Variants in CNNM2 observed in about 807,000 individuals in gnomAD.
CNNM2 encodes cyclin and CBS domain divalent metal cation transport mediator 2, also known as metal transporter CNNM2.
A neutral mutation model predicts 66.9 loss-of-function variants in CNNM2; 12 were observed. The observed-to-expected ratio is 0.18, with a 90% CI of 0.11 to 0.29. The LOEUF (loss-of-function observed/expected upper bound fraction) is 0.29. Ranked by LOEUF, CNNM2 falls within the 10% of genes least tolerant of loss-of-function variation. CNNM2 has a pLI of 1.00. For synonymous variants in CNNM2, 557 were observed against 501.8 expected (o/e 1.11, Z -1.47); for missense variants, 705 against 1,167.7 (o/e 0.60, Z 5.77).
chr10:103,073,685 C>T (rs1207216760), intron 6 of CNNM2, among the ~76,000 whole-genome samples: 2 of 151,630 alleles, frequency 1.3e-5, no homozygotes, highest in Non-Finnish European at 2.9e-5. Context: ...CAAGGTGAAA[C>T]CCCGTCTCTA....
chr10:102,968,335 C>T (rs1052036010), intron 1 of CNNM2, among the ~76,000 whole-genome samples: 2 of 152,150 alleles, frequency 1.3e-5, no homozygotes, highest in Non-Finnish European at 2.9e-5. Flanking sequence ...TAACCTCTGC[C>T]TCCTGGGTTC....
intron 1 of CNNM2, among the ~76,000 whole-genome samples, chr10:103,048,851 T>C (rs1019588021): frequency 6.6e-6 from 1 of 152,178 alleles, no homozygotes; most frequent in Non-Finnish European, 1.5e-5. Context: ...TAATGTTTAC[T>C]GCTTCAGCAA....
At chr10:103,002,532 T>C (rs916349678) in intron 1 of CNNM2, among the ~76,000 whole-genome samples, 7 of 145,642 alleles carry the variant, frequency 4.8e-5, no homozygotes, top group African/African-American at 1.8e-4. Flanking sequence ...CAGGCTGGAG[T>C]GCAATGGCGT....
intron 5 of CNNM2, among the ~76,000 whole-genome samples, chr10:103,070,226 A>G (rs2065552509): frequency 6.6e-6 from 1 of 152,184 alleles, no homozygotes; most frequent in Non-Finnish European, 1.5e-5. Context: ...CTTCGTTTTC[A>G]CTGCTTAGTG....
chr10:103,070,244 C>T (rs192360988), intron 5 of CNNM2, among the ~76,000 whole-genome samples: 30 of 152,252 alleles, frequency 2.0e-4, no homozygotes, highest in African/African-American at 7.0e-4. Context: ...GTGAGAGAGA[C>T]AGGGTAGCTC....
rs547923165 is a variant in CNNM2, at chr10:103,051,738, AAAAT to A, written c.1765+1900_1765+1903del. ...CTGGGCAACAGAGTGAGACTCTCTCAAAATAAATAAATAAAACTGAGAAAGTCTT... is the reference window on the plus strand; with the variant it reads ...CTGGGCAACAGAGTGAGACTCTCTCAAAATAAATAAAACTGAGAAAGTCTT... On this transcript the variant is annotated intron_variant, in intron 2 of 7. Transcript: ENST00000369878. Among the ~76,000 whole-genome samples, 1,432 of 152,110 alleles carry A rather than the reference AAAAT, an allele frequency of 9.4e-3. 11 individuals carry two copies. The highest frequency in any genetic ancestry group is 0.016 in the Non-Finnish European group (1,096 of 67,942).
chr10:103,009,776 G>T (rs896324980), intron 1 of CNNM2, among the ~76,000 whole-genome samples: 2 of 151,572 alleles, frequency 1.3e-5, no homozygotes, highest in African/African-American at 4.9e-5. Context: ...CATAGACAGT[G>T]TCTAAATGAG....
In CNNM2 at chr10:102,919,850, T is replaced by G. The variant is rs1845555625; in HGVS notation, c.1370T>G (p.Phe457Cys). ...GTGATGACCCCACTCCGGGACTGCT[T>G]CATGATCACCGGCGAAGCCATCCTG... ...EDVMTPLRDC[F>C]MITGEAILDF... is the part of the protein sequence containing the mutation. The change falls in exon 1 of 8, where the codon TTC becomes TGC. Residue 457 changes from phenylalanine (F) to cysteine (C), a missense_variant. Around this residue, in one of 9 missense-constraint regions of CNNM2, gnomAD observed 171 missense variants for 304.8 expected, o/e 0.56. Coordinates refer to ENST00000369878, the MANE Select transcript of CNNM2 (RefSeq NM_017649.5). 1 of 1,614,042 alleles carries G rather than the reference T, an allele frequency of 6.2e-7. No homozygotes were observed. The highest frequency in any genetic ancestry group is 1.1e-5 in the South Asian group (1 of 91,088).
intron 1 of CNNM2, among the ~76,000 whole-genome samples, chr10:102,986,548 C>A (rs892687512): frequency 6.6e-6 from 1 of 151,764 alleles, no homozygotes; most frequent in African/African-American, 2.4e-5. Flanking sequence ...TTTGGGAGGC[C>A]GAGGTGGGCG....
chr10:102,986,831 A>G (rs150247053), intron 1 of CNNM2, among the ~76,000 whole-genome samples: 1 of 151,702 alleles, frequency 6.6e-6, no homozygotes, highest in Non-Finnish European at 1.5e-5. Flanking sequence ...TTATATTACT[A>G]GAGGTGGTGA....
chr10:103,077,994 C>G lies in CNNM2; in HGVS notation c.*814C>G, dbSNP rs1204100180. The G allele has an allele frequency of 2.6e-5, 4 of 152,632 alleles. No homozygotes were observed. Among genetic ancestry groups the G allele is most frequent in the Non-Finnish European group, 5.9e-5 (4 of 68,048 alleles). The allele number at this position is 152,632 out of a possible 1,614,324, so 9.5% of individuals were successfully genotyped here. ...GGCAAGTTGACTTCATCCTGTCATT[C>G]CAGCCTGGGGTCTGCCAGCCAGCCC... On this transcript the variant is annotated 3_prime_UTR_variant, in exon 8 of 8. Coordinates refer to ENST00000369878, the MANE Select transcript of CNNM2 (RefSeq NM_017649.5).
intron 1 of CNNM2, among the ~76,000 whole-genome samples, chr10:103,022,299 T>C (rs2064599523): frequency 6.6e-6 from 1 of 152,222 alleles, no homozygotes; most frequent in African/African-American, 2.4e-5. Context: ...GAGTATTTTA[T>C]ATGTAATTTA....
intron 4 of CNNM2, among the ~76,000 whole-genome samples, chr10:103,066,142 C>T (rs927517152): frequency 1.3e-4 from 20 of 152,180 alleles, no homozygotes; most frequent in Admixed American, 6.5e-5. Flanking sequence ...ATTCTCCTGA[C>T]CCCTGCTCTT....
At chr10:102,920,150 C>G (rs772198222) in intron 1 of CNNM2, 49 bp downstream of exon 1, 8 of 1,613,630 alleles carry the variant, frequency 5.0e-6, no homozygotes, top group Non-Finnish European at 1.7e-6. Context: ...TCTCTCCATC[C>G]TCCTCCCTAC....
chr10:103,011,646 CTGTGTGTGTGTGTGTGTGTGTGTGTG>C, intron 1 of CNNM2, among the ~76,000 whole-genome samples: 1 of 136,056 alleles, frequency 7.3e-6, no homozygotes, highest in Non-Finnish European at 1.6e-5. Context: ...AATACTTGCA[CTGTGTGTGTGTGTGTGTGTGTGTGTG>C]TGTGTGTGTG....
intron 1 of CNNM2, among the ~76,000 whole-genome samples, chr10:102,922,455 G>A (rs936838417): frequency 6.6e-6 from 1 of 151,900 alleles, no homozygotes; most frequent in African/African-American, 2.4e-5. Flanking sequence ...AATTATGACA[G>A]TGTTAACAAT....
At chr10:103,034,972 C>CAAAAAAAAAAAAAAAAAAAAA (rs71019651) in intron 1 of CNNM2, among the ~76,000 whole-genome samples, 13 of 71,094 alleles carry the variant, frequency 1.8e-4, no homozygotes, top group East Asian at 5.1e-4. Flanking sequence ...GACTCCGTCT[C>CAAAAAAAAAAAAAAAAAAAAA]AAAAAAAAAA....
intron 1 of CNNM2, among the ~76,000 whole-genome samples, chr10:102,998,612 AG>A (rs1188831454): frequency 6.6e-6 from 1 of 152,190 alleles, no homozygotes; most frequent in Non-Finnish European, 1.5e-5. Context: ...AAGATTGGAA[AG>A]GCAGACATAA....
At chr10:102,971,819 CA>C (rs1284455014) in intron 1 of CNNM2, among the ~76,000 whole-genome samples, 9 of 152,156 alleles carry the variant, frequency 5.9e-5, no homozygotes, top group African/African-American at 2.2e-4. Context: ...TCATCTTTAA[CA>C]TATTTTTCTT....
Sources: allele counts gnomAD v4.1 joint callset (sites outside exome capture counted in the v4.1 genomes callset), GRCh38; gene constraint gnomAD v4.1.1; regional missense constraint gnomAD v4.1.1; transcripts MANE v1.5; gene names NCBI Gene and HGNC (gene_info 2026-07-23, HGNC 2026-07-21).